Variants in NBAS observed in about 807,000 individuals in gnomAD.
NBAS encodes the protein NBAS subunit of NRZ tethering complex, also known as NAG/BC035112 fusion.
A neutral mutation model predicts 302.5 loss-of-function variants in NBAS; 219 were observed. That is an observed-to-expected ratio of 0.72 (90% CI 0.65 to 0.81). The LOEUF (loss-of-function observed/expected upper bound fraction) is 0.81, where lower values mean the gene tolerates loss of function less well. NBAS is among the 30% of genes least tolerant of loss of function. The probability of loss-of-function intolerance (pLI) is 0.00; values close to 1 mark genes in which losing one functional copy is unlikely to be tolerated. For missense variants in NBAS, 2,932 were observed against 2,841.6 expected (o/e 1.03, Z -0.72); for synonymous variants, 1,118 against 1,021.6 (o/e 1.09, Z -1.80).
the NBAS span, among the ~76,000 whole-genome samples, chr2:14,784,757 C>A: frequency 6.6e-6 from 1 of 152,144 alleles, no homozygotes; most frequent in South Asian, 2.1e-4. Context: ...TAGCATGATG[C>A]CTCCAGCTTT....
At chr2:15,554,404 A>G (rs1664545857) in intron 3 of NBAS, among the ~76,000 whole-genome samples, 1 of 152,032 alleles carries the variant, frequency 6.6e-6, no homozygotes, top group Admixed American at 6.6e-5. Flanking sequence ...CTAGCATACC[A>G]ATCACAGAGC....
At chr2:15,533,183 G>T (rs2148678272) in intron 9 of NBAS, among the ~76,000 whole-genome samples, 1 of 152,082 alleles carries the variant, frequency 6.6e-6, no homozygotes, top group Middle Eastern at 3.4e-3. Context: ...ACTGTAAACT[G>T]GCACAAATAC....
At chr2:15,011,278 G>A in the NBAS span, among the ~76,000 whole-genome samples, 6 of 152,140 alleles carry the variant, frequency 3.9e-5, no homozygotes, top group Admixed American at 6.5e-5. Flanking sequence ...AACTCCAAGA[G>A]AGAGTGAGCC....
intron 11 of NBAS, among the ~76,000 whole-genome samples, chr2:15,497,371 A>G (rs1017356362): frequency 6.6e-6 from 1 of 152,214 alleles, no homozygotes; most frequent in Non-Finnish European, 1.5e-5. Context: ...TGATAGCCAC[A>G]CAAGAAAAAA....
At chr2:15,065,512 C>A in the NBAS span, among the ~76,000 whole-genome samples, 1 of 152,096 alleles carries the variant, frequency 6.6e-6, no homozygotes, top group Admixed American at 6.5e-5. Flanking sequence ...AAACTCCACA[C>A]ACGAAATATT....
the NBAS span, among the ~76,000 whole-genome samples, chr2:15,157,810 GCTT>G: frequency 1.3e-5 from 2 of 152,200 alleles, no homozygotes; most frequent in Non-Finnish European, 2.9e-5. Flanking sequence ...CAGCATTGCT[GCTT>G]GTGACTAGGT....
At chr2:15,286,354 C>T (rs548714532) in intron 42 of NBAS, among the ~76,000 whole-genome samples, 69 of 152,288 alleles carry the variant, frequency 4.5e-4, no homozygotes, top group African/African-American at 1.6e-3. Flanking sequence ...CATATTATGT[C>T]CTTGTTCACC....
the NBAS span, among the ~76,000 whole-genome samples, chr2:15,115,565 A>G: frequency 7.9e-5 from 12 of 152,172 alleles, no homozygotes; most frequent in Non-Finnish European, 1.5e-4. Context: ...CAGTGGTACA[A>G]TCACAGCTCA....
At chr2:15,363,151 C>A (rs1490974464) in intron 32 of NBAS, among the ~76,000 whole-genome samples, 1 of 152,196 alleles carries the variant, frequency 6.6e-6, no homozygotes, top group Non-Finnish European at 1.5e-5. Context: ...CAGGCCATAT[C>A]CACAGAGTTC....
chr2:15,202,730 G>T (rs886814884), intron 48 of NBAS, among the ~76,000 whole-genome samples: 15 of 152,056 alleles, frequency 9.9e-5, no homozygotes, highest in African/African-American at 3.6e-4. Flanking sequence ...GTAGAGACGT[G>T]TTTCTCCATG....
intron 28 of NBAS, among the ~76,000 whole-genome samples, chr2:15,388,655 A>C (rs1675431798): frequency 6.6e-6 from 1 of 152,224 alleles, no homozygotes; most frequent in Non-Finnish European, 1.5e-5. Context: ...GAAGGACAGA[A>C]ATATGTACAC....
At chr2:14,864,847 C>T in the NBAS span, among the ~76,000 whole-genome samples, 3 of 152,088 alleles carry the variant, frequency 2.0e-5, no homozygotes, top group African/African-American at 7.2e-5. Context: ...ATATAAAGTA[C>T]CTAGAACAGA....
At chr2:15,249,427 C>G (rs559931242) in intron 44 of NBAS, among the ~76,000 whole-genome samples, 1 of 152,290 alleles carries the variant, frequency 6.6e-6, no homozygotes, top group Admixed American at 6.5e-5. Flanking sequence ...CCCTCTCTCA[C>G]CACTCCTATT....
the NBAS span, among the ~76,000 whole-genome samples, chr2:14,791,714 G>T: frequency 2.6e-5 from 4 of 152,014 alleles, no homozygotes; most frequent in Non-Finnish European, 5.9e-5. Flanking sequence ...TGAGGCAGAA[G>T]AATCGCTTGA....
chr2:15,238,414 A>G, intron 45 of NBAS, 54 bp downstream of exon 45: 2 of 1,554,494 alleles, frequency 1.3e-6, no homozygotes, highest in Non-Finnish European at 1.8e-6. Flanking sequence ...TTCAAGGAAA[A>G]AAGAAAGAAT....
chr2:15,518,184 G>A (rs1233396811), intron 9 of NBAS, among the ~76,000 whole-genome samples: 1 of 150,668 alleles, frequency 6.6e-6, no homozygotes, highest in Non-Finnish European at 1.5e-5. Context: ...CAACCCACAA[G>A]TGTAGTGAAA....
intron 21 of NBAS, among the ~76,000 whole-genome samples, chr2:15,455,538 C>T (rs1679211247): frequency 6.6e-6 from 1 of 151,864 alleles, no homozygotes; most frequent in South Asian, 2.1e-4. Context: ...AGTATATAAG[C>T]ACATAAGACC....
chr2:15,253,024 GGAA>G (rs1301353297), intron 44 of NBAS, among the ~76,000 whole-genome samples: 5 of 152,138 alleles, frequency 3.3e-5, no homozygotes, highest in African/African-American at 4.8e-5. Flanking sequence ...GAGTTCATGT[GGAA>G]GAAGGAGGGG....
intron 5 of NBAS, among the ~76,000 whole-genome samples, chr2:15,552,469 G>A (rs1263535189): frequency 6.6e-6 from 1 of 152,146 alleles, no homozygotes; most frequent in East Asian, 1.9e-4. Flanking sequence ...TGACGATAAT[G>A]AAGACCTTTG....
Sources: allele counts gnomAD v4.1 joint callset (sites outside exome capture counted in the v4.1 genomes callset), GRCh38; gene constraint gnomAD v4.1.1; transcripts MANE v1.5; gene names NCBI Gene and HGNC (gene_info 2026-07-23, HGNC 2026-07-21).